RALYL: variants seen among roughly 807,000 people sequenced by gnomAD.
RALYL encodes RNA-binding Raly-like protein.
Under a neutral mutation model 35.1 loss-of-function variants are expected in RALYL, and 29 were observed. That is an observed-to-expected ratio of 0.83 (90% confidence interval 0.61 to 1.13). The LOEUF (loss-of-function observed/expected upper bound fraction) is 1.13, where lower values mean the gene tolerates loss of function less well. Ranked by LOEUF, RALYL falls within the 50% of genes most tolerant of loss-of-function variation. The probability of loss-of-function intolerance (pLI) is 0.00; values close to 1 mark genes in which losing one functional copy is unlikely to be tolerated. For synonymous variants in RALYL, 120 were observed against 127.6 expected (o/e 0.94, Z 0.40); for missense variants, 359 against 360.4 (o/e 1.00, Z 0.03).
At chr8:84,420,753 C>A (rs2045443188) in intron 1 of RALYL, among the ~76,000 whole-genome samples, 1 of 111,732 alleles carries the variant, frequency 8.9e-6, no homozygotes, top group Non-Finnish European at 1.8e-5. Context: ...CCACTTTCAG[C>A]TTCCTACATA....
chr8:84,602,366 A>G (rs1816165195), intron 2 of RALYL, among the ~76,000 whole-genome samples: 1 of 152,090 alleles, frequency 6.6e-6, no homozygotes, highest in Admixed American at 6.6e-5. Flanking sequence ...TTCAATTGTA[A>G]TAACCCTTGA....
At chr8:84,708,181 G>A (rs898888823) in intron 2 of RALYL, among the ~76,000 whole-genome samples, 5 of 152,026 alleles carry the variant, frequency 3.3e-5, no homozygotes, top group African/African-American at 1.2e-4. Context: ...AATAGTAAAG[G>A]TGCATGTGGC....
chr8:84,708,828 A>T (rs1841661927), intron 2 of RALYL, among the ~76,000 whole-genome samples: 1 of 151,984 alleles, frequency 6.6e-6, no homozygotes, highest in Non-Finnish European at 1.5e-5. Context: ...GTACATTTTT[A>T]AAAAATGAAT....
chr8:84,828,788 G>A (rs534026385), intron 4 of RALYL: 3 of 157,566 alleles, frequency 1.9e-5, no homozygotes, highest in South Asian at 2.0e-4. Context: ...GCACAGGAAA[G>A]GATGAATTTA....
chr8:84,686,760 G>A (rs1439144341), intron 2 of RALYL, among the ~76,000 whole-genome samples: 1 of 152,076 alleles, frequency 6.6e-6, no homozygotes, highest in Non-Finnish European at 1.5e-5. Context: ...CATCATAAGT[G>A]TTGTAATTCA....
intron 2 of RALYL, among the ~76,000 whole-genome samples, chr8:84,548,472 T>G (rs908179379): frequency 3.3e-5 from 5 of 152,204 alleles, no homozygotes; most frequent in Non-Finnish European, 5.9e-5. Context: ...ATTTTGTTTT[T>G]TTGTGGCCAT....
At chr8:84,696,356 T>C (rs1460423746) in intron 2 of RALYL, among the ~76,000 whole-genome samples, 1 of 151,784 alleles carries the variant, frequency 6.6e-6, no homozygotes, top group Admixed American at 6.6e-5. Flanking sequence ...AAAAAAGAAA[T>C]TTTTTTCCTC....
intron 1 of RALYL, among the ~76,000 whole-genome samples, chr8:84,428,010 A>G (rs2046693196): frequency 6.6e-6 from 1 of 152,046 alleles, no homozygotes; most frequent in Admixed American, 6.6e-5. Context: ...TGTAAAATAA[A>G]GATTGCCAGA....
At chr8:84,580,194 T>C (rs992460091) in intron 2 of RALYL, among the ~76,000 whole-genome samples, 1 of 152,244 alleles carries the variant, frequency 6.6e-6, no homozygotes, top group African/African-American at 2.4e-5. Flanking sequence ...ATTATGTGCA[T>C]GGAAGTCAAC....
At chr8:84,534,772 T>C (rs2059490391) in intron 2 of RALYL, among the ~76,000 whole-genome samples, 1 of 152,092 alleles carries the variant, frequency 6.6e-6, no homozygotes, top group Non-Finnish European at 1.5e-5. Flanking sequence ...GGCGATATAG[T>C]TGGGGTTGCT....
At chr8:84,412,245 G>T (rs191185966) in intron 1 of RALYL, among the ~76,000 whole-genome samples, 1 of 151,974 alleles carries the variant, frequency 6.6e-6, no homozygotes, top group East Asian at 1.9e-4. Flanking sequence ...GAAGTGTCAG[G>T]TTATCAGAGG....
intron 1 of RALYL, among the ~76,000 whole-genome samples, chr8:84,329,815 G>T (rs1022989129): frequency 6.6e-6 from 1 of 151,950 alleles, no homozygotes; most frequent in Admixed American, 6.6e-5. Flanking sequence ...CCATACTATA[G>T]AACTATTTAT....
At chr8:84,415,904 G>A in intron 1 of RALYL, among the ~76,000 whole-genome samples, 1 of 152,140 alleles carries the variant, frequency 6.6e-6, no homozygotes, top group Admixed American at 6.5e-5. Flanking sequence ...TAACACACTT[G>A]TCAGTGCTCT....
chr8:84,754,230 AC>A (rs755531731), intron 2 of RALYL, among the ~76,000 whole-genome samples: 1 of 151,654 alleles, frequency 6.6e-6, no homozygotes, highest in Non-Finnish European at 1.5e-5. Context: ...GTGCACATGT[AC>A]CCTAAAACTT....
Position 84,786,499 on chromosome 8 carries a change from T to C in RALYL, c.332+11845T>C, listed in dbSNP as rs1223187193. Among the ~76,000 whole-genome samples the C allele has an allele frequency of 2.0e-5, 3 of 152,194 alleles. No individual in the cohort carries two copies. In the East Asian group the frequency reaches 5.8e-4, roughly 29 times the overall value. ...AGCCTCGCCAGCATCTGTTGTTTCT[T>C]GTTTTTTTAATAACTGCCATTCTGA... On this transcript the variant is annotated intron_variant, in intron 3 of 8. Coordinates refer to ENST00000521268, the MANE Select transcript of RALYL (RefSeq NM_173848.7).
At chr8:84,783,967 G>A (rs2634045) in intron 3 of RALYL, among the ~76,000 whole-genome samples, 49,884 of 152,072 alleles carry the variant, frequency 0.33, 9,859 homozygotes, top group African/African-American at 0.56. Flanking sequence ...CTCCAACTCT[G>A]AAATCATTCT....
chr8:84,193,543 C>T (rs1814503277), intron 1 of RALYL, among the ~76,000 whole-genome samples: 1 of 152,158 alleles, frequency 6.6e-6, no homozygotes, highest in Non-Finnish European at 1.5e-5. Flanking sequence ...GTAAATAAAA[C>T]TGATAACAAT....
At chr8:84,383,972 A>G (rs1247653094) in intron 1 of RALYL, among the ~76,000 whole-genome samples, 4 of 151,744 alleles carry the variant, frequency 2.6e-5, no homozygotes, top group African/African-American at 7.2e-5. Flanking sequence ...AACTTAAACT[A>G]TGTTATGCAA....
chr8:84,482,714 G>C (rs1250605236), intron 1 of RALYL, among the ~76,000 whole-genome samples: 1 of 152,046 alleles, frequency 6.6e-6, no homozygotes, highest in South Asian at 2.1e-4. Flanking sequence ...CTAGGGAGCT[G>C]TGTGTCTGTT....
Sources: gnomAD v4.1 joint callset for allele counts (sites outside exome capture counted in the v4.1 genomes callset) on GRCh38, gnomAD v4.1.1 for gene constraint, MANE v1.5 for transcripts, NCBI Gene and HGNC (gene_info 2026-07-23, HGNC 2026-07-21) for gene names.